Variants in RIMBP2 observed in about 807,000 individuals in gnomAD.
The protein encoded by RIMBP2 is RIMS binding protein 2, also known as RIMS-binding protein 2.
In RIMBP2, 48 loss-of-function variants were observed where a neutral mutation model predicts 118.6. The ratio of observed to expected loss-of-function variants is 0.40; its 90% confidence interval spans 0.32 to 0.51. The LOEUF (loss-of-function observed/expected upper bound fraction) is 0.51, where lower values mean the gene tolerates loss of function less well. Ranked by LOEUF, RIMBP2 falls within the 20% of genes least tolerant of loss-of-function variation. RIMBP2 has a pLI of 0.41. For missense variants in RIMBP2, 1,551 were observed against 1,768.3 expected (o/e 0.88, Z 2.20); for synonymous variants, 762 against 742.9 (o/e 1.03, Z -0.42).
At chr12:130,515,119 G>A (rs1048295196) in intron 3 of RIMBP2, among the ~76,000 whole-genome samples, 11 of 151,992 alleles carry the variant, frequency 7.2e-5, no homozygotes, top group Admixed American at 3.3e-4. Flanking sequence ...CTCGTGATCC[G>A]CCCGCCTCGG....
At chr12:130,580,441 C>T (rs1006931703) in intron 2 of RIMBP2, among the ~76,000 whole-genome samples, 2 of 152,192 alleles carry the variant, frequency 1.3e-5, no homozygotes, top group Non-Finnish European at 2.9e-5. Context: ...TAAGATGTGT[C>T]TTCCCTCCCC....
At chr12:130,404,583 T>G (rs1376655544) in intron 21 of RIMBP2, among the ~76,000 whole-genome samples, 1 of 152,220 alleles carries the variant, frequency 6.6e-6, no homozygotes, top group Non-Finnish European at 1.5e-5. Context: ...GCCCGGCCGT[T>G]GGATCTATAT....
In RIMBP2 at chr12:130,576,308, A is replaced by T. The variant is rs1191717122; in HGVS notation, c.-217+52014T>A. Among the ~76,000 whole-genome samples the T allele has an allele frequency of 2.0e-5, 3 of 152,164 alleles. No homozygotes were observed. The highest frequency in any genetic ancestry group is 2.9e-5 in the Non-Finnish European group (2 of 68,024). The stretch of plus-strand genomic sequence containing the variant: ...AACGGAGAGTTTCATGACCATAGAC[A>T]TGGGCATTTGCTTCCAAGAGCAATG... On this transcript the variant is annotated intron_variant, in intron 2 of 22. Transcript: ENST00000690449. The surrounding 1 kb of genome is among the most constrained non-coding windows in gnomAD (Gnocchi z 4.2).
chr12:130,449,072 G>T (rs1355277904), intron 9 of RIMBP2, among the ~76,000 whole-genome samples: 1 of 152,216 alleles, frequency 6.6e-6, no homozygotes, highest in African/African-American at 2.4e-5. Flanking sequence ...GACTCTGGCT[G>T]CCCGATGCCA....
At position 130,649,103 on chromosome 12, in the gene RIMBP2, G is replaced by A. The variant is rs557923848; in HGVS notation, c.-351-20647C>T. Among the ~76,000 whole-genome samples, 20 of 145,988 alleles carry A rather than the reference G, an allele frequency of 1.4e-4. No homozygotes were observed. In the East Asian group the frequency reaches 3.9e-3, roughly 28 times the overall value. ...GCTTTTCCTGCCCTTCGTGGCGGCC[G>A]ATAGGCTCAGTCGGAGGTGGGTATG... On this transcript the variant is annotated intron_variant, in intron 1 of 22. Transcript: ENST00000690449.
At chr12:130,652,513 A>G (rs1356925475) in intron 1 of RIMBP2, among the ~76,000 whole-genome samples, 1 of 151,812 alleles carries the variant, frequency 6.6e-6, no homozygotes, top group Admixed American at 6.6e-5. Context: ...ATATTGTCCA[A>G]TGGTTAGATT....
At chr12:130,658,716 G>C (rs1383460892) in intron 1 of RIMBP2, 1 of 152,056 alleles carries the variant, frequency 6.6e-6, no homozygotes, top group South Asian at 2.1e-4. Flanking sequence ...GCTCCCTCCC[G>C]AGCCGGGTTC....
At chr12:130,590,776 A>G (rs1231916498) in intron 2 of RIMBP2, among the ~76,000 whole-genome samples, 1 of 152,116 alleles carries the variant, frequency 6.6e-6, no homozygotes, top group East Asian at 1.9e-4. Flanking sequence ...GTTTTTAAAA[A>G]CTGCCAGGAA....
At chr12:130,566,114 C>T (rs1156554965) in intron 2 of RIMBP2, among the ~76,000 whole-genome samples, 1 of 152,088 alleles carries the variant, frequency 6.6e-6, no homozygotes, top group African/African-American at 2.4e-5. Context: ...AGGCTGAATT[C>T]ATTTTGCTCA....
intron 2 of RIMBP2, among the ~76,000 whole-genome samples, chr12:130,574,844 G>A (rs1285587091): frequency 6.6e-6 from 1 of 152,032 alleles, no homozygotes; most frequent in Non-Finnish European, 1.5e-5. Flanking sequence ...CACTCACAGG[G>A]AAGACAACTT....
intron 1 of RIMBP2, chr12:130,658,398 C>T (rs1459615165): frequency 6.6e-6 from 1 of 152,214 alleles, no homozygotes. Flanking sequence ...CTGTCATTTG[C>T]ACTCGTGTAT....
chr12:130,709,488 C>T (rs1949741339), intron 1 of RIMBP2, among the ~76,000 whole-genome samples: 2 of 152,196 alleles, frequency 1.3e-5, no homozygotes, highest in African/African-American at 2.4e-5. Flanking sequence ...ACACGCAGCT[C>T]GAGCCCTTGG....
In RIMBP2 at chr12:130,578,691, G is replaced by A. The variant is rs934581602; in HGVS notation, c.-217+49631C>T. On this transcript the variant is annotated intron_variant, in intron 2 of 22. Coordinates refer to ENST00000690449, the MANE Select transcript of RIMBP2 (RefSeq NM_001393629.1). The surrounding 1 kb of genome is among the most constrained non-coding windows in gnomAD (Gnocchi z 4.1). ...GCCCCCTTCTCAGAGACTTCCCCTC[G>A]CTACCCAACGACCGAGTCCCTCACC... 3.3e-5 allele frequency among the ~76,000 whole-genome samples: 5 copies of A among 152,052 alleles called. No homozygotes were observed. The highest frequency in any genetic ancestry group is 1.9e-4 in the East Asian group (1 of 5,184).
At chr12:130,483,659 CA>C in intron 4 of RIMBP2, among the ~76,000 whole-genome samples, 1 of 150,306 alleles carries the variant, frequency 6.7e-6, no homozygotes, top group South Asian at 2.1e-4. Context: ...ACACAGTGCC[CA>C]GAGCCCCCGT....
chr12:130,477,432 A>G (rs884256), intron 5 of RIMBP2, among the ~76,000 whole-genome samples: 40,249 of 152,070 alleles, frequency 0.26, 5,936 homozygotes, highest in Non-Finnish European at 0.32. Context: ...ATCAGGCGTC[A>G]CCCGGCCACG....
At position 130,447,056 on chromosome 12, in the gene RIMBP2, C is replaced by T. The variant is rs1224285095; in HGVS notation, c.582-1787G>A. On this transcript the variant is annotated intron_variant, in intron 9 of 22. Coordinates refer to ENST00000690449, the MANE Select transcript of RIMBP2 (RefSeq NM_001393629.1). The surrounding 1 kb of genome is among the most constrained non-coding windows in gnomAD (Gnocchi z 4.4). ...TGGGTAGATGGCCGAGACACAGAAG[C>T]TGGCAGAGTGTTCTCGGAGGAGGAG... Among the ~76,000 whole-genome samples the T allele has an allele frequency of 6.6e-6, 1 of 151,030 alleles. No individual in the cohort carries two copies. Among genetic ancestry groups the T allele is most frequent in the South Asian group, 2.1e-4 (1 of 4,716 alleles).
At chr12:130,470,256 G>A (rs951287304) in intron 6 of RIMBP2, 2 of 157,136 alleles carry the variant, frequency 1.3e-5, no homozygotes, top group Non-Finnish European at 2.8e-5. Context: ...CAGGATGGGT[G>A]TCATACCTTA....
At chr12:130,615,686 TAGACAGGG>T (rs1309035323) in intron 2 of RIMBP2, among the ~76,000 whole-genome samples, 1 of 152,048 alleles carries the variant, frequency 6.6e-6, no homozygotes, top group Non-Finnish European at 1.5e-5. Context: ...TCTTTGATTA[TAGACAGGG>T]AGAAAGGGGT....
intron 2 of RIMBP2, among the ~76,000 whole-genome samples, chr12:130,520,019 C>T (rs2051910255): frequency 6.6e-6 from 1 of 152,196 alleles, no homozygotes; most frequent in African/African-American, 2.4e-5. Context: ...TCTGCCACCA[C>T]ACAGCCACCT....
Sources: gnomAD v4.1 joint callset for allele counts (sites outside exome capture counted in the v4.1 genomes callset) on GRCh38, gnomAD v4.1.1 for gene constraint, Gnocchi (gnomAD v3.1) non-coding constraint, MANE v1.5 for transcripts, NCBI Gene and HGNC (gene_info 2026-07-23, HGNC 2026-07-21) for gene names.